Variants in DCAF6 observed in about 807,000 individuals in gnomAD.
DCAF6 encodes the protein DDB1 and CUL4 associated factor 6.
Under a neutral mutation model 125.1 loss-of-function variants are expected in DCAF6, and 54 were observed. That is an observed-to-expected ratio of 0.43 (90% CI 0.35 to 0.54). The LOEUF (loss-of-function observed/expected upper bound fraction) is 0.54. DCAF6 is among the 20% of genes least tolerant of loss of function. The pLI, the probability that DCAF6 is intolerant of heterozygous loss-of-function variation, is 0.01. For missense variants in DCAF6, 934 were observed against 1,161.7 expected, an observed-to-expected ratio of 0.80 and a Z score of 2.85; for synonymous variants, 371 against 390.4, an observed-to-expected ratio of 0.95 and a Z score of 0.58.
chr1:167,946,659 T>G (rs556114976), intron 1 of DCAF6, among the ~76,000 whole-genome samples: 1 of 152,364 alleles, frequency 6.6e-6, no homozygotes, highest in East Asian at 1.9e-4. Flanking sequence ...TCTGTTGATA[T>G]GATGTATCAC....
intron 11 of DCAF6, chr1:168,019,444 T>G (rs774707894): frequency 3.0e-6 from 1 of 338,002 alleles, no homozygotes; most frequent in Non-Finnish European, 6.2e-6. Context: ...GGGTTTTGAA[T>G]GAGCTATATG....
At chr1:168,051,487 G>C (rs773070897) in intron 17 of DCAF6, among the ~76,000 whole-genome samples, 15 of 152,152 alleles carry the variant, frequency 9.9e-5, no homozygotes, top group Non-Finnish European at 1.8e-4. Flanking sequence ...TTTTTGAGTA[G>C]ATCTTTAAAG....
At chr1:168,051,631 A>G (rs760896852) in intron 17 of DCAF6, among the ~76,000 whole-genome samples, 1 of 152,228 alleles carries the variant, frequency 6.6e-6, no homozygotes, top group Non-Finnish European at 1.5e-5. Context: ...ACATATAGCA[A>G]CAATCAGAAA....
chr1:167,891,985 T>C, the DCAF6 span, among the ~76,000 whole-genome samples: 1 of 151,736 alleles, frequency 6.6e-6, no homozygotes, highest in African/African-American at 2.4e-5. Context: ...TCTTTTTTTT[T>C]TTTTTAGAGA....
chr1:167,921,130 T>C, the DCAF6 span, among the ~76,000 whole-genome samples: 1 of 152,178 alleles, frequency 6.6e-6, no homozygotes, highest in Admixed American at 6.5e-5. Context: ...GTTTGTTACA[T>C]GGGTATATTG....
chr1:167,987,398 C>A, intron 4 of DCAF6, 97 bp from the exon 5 acceptor site: 1 of 648,664 alleles, frequency 1.5e-6, no homozygotes, highest in Non-Finnish European at 2.7e-6. Flanking sequence ...TTTTTGTAAC[C>A]TTTACCTTAA....
chr1:167,903,767 C>T, the DCAF6 span: 2 of 744,374 alleles, frequency 2.7e-6, no homozygotes, highest in African/African-American at 1.7e-5. Flanking sequence ...GTTTTATACA[C>T]ATTTCATGGG....
the DCAF6 span, among the ~76,000 whole-genome samples, chr1:167,925,309 C>T: frequency 6.6e-6 from 1 of 151,402 alleles, no homozygotes; most frequent in African/African-American, 2.4e-5. Flanking sequence ...ACTTGTACCC[C>T]TATTACCTAA....
the DCAF6 span, among the ~76,000 whole-genome samples, chr1:167,902,779 C>T: frequency 0.16 from 24,639 of 152,206 alleles, 2,299 homozygotes; most frequent in Middle Eastern, 0.23. Flanking sequence ...TTTGAATTAA[C>T]AATGCAAACA....
upstream of DCAF6, among the ~76,000 whole-genome samples, chr1:167,930,866 A>G (rs1331147115): frequency 6.6e-6 from 1 of 152,270 alleles, no homozygotes; most frequent in Non-Finnish European, 1.5e-5. Flanking sequence ...ACATCTGCAT[A>G]AACAGTTCTA....
intron 16 of DCAF6, among the ~76,000 whole-genome samples, chr1:168,049,430 TG>T (rs375510312): frequency 5.5e-4 from 32 of 57,810 alleles, no homozygotes; most frequent in Admixed American, 1.5e-3. Flanking sequence ...TTGTTGTTGT[TG>T]TTTTTTTTTT....
chr1:167,989,608 C>T (rs1262145015), intron 5 of DCAF6, among the ~76,000 whole-genome samples: 5 of 152,066 alleles, frequency 3.3e-5, no homozygotes, highest in African/African-American at 1.2e-4. Flanking sequence ...AGGGGCCGGG[C>T]GCGGTGGCTC....
chr1:167,910,684 C>T, the DCAF6 span, among the ~76,000 whole-genome samples: 1 of 152,132 alleles, frequency 6.6e-6, no homozygotes, highest in African/African-American at 2.4e-5. Flanking sequence ...TGACTGTAAA[C>T]AGTATGTTCC....
At chr1:168,038,931 T>G (rs999608894) in intron 13 of DCAF6, among the ~76,000 whole-genome samples, 4 of 152,102 alleles carry the variant, frequency 2.6e-5, no homozygotes, top group African/African-American at 9.7e-5. Context: ...TATTCTCCCC[T>G]GCATTTGTTT....
chr1:167,894,373 C>T, the DCAF6 span, among the ~76,000 whole-genome samples: 3 of 152,026 alleles, frequency 2.0e-5, no homozygotes, highest in Non-Finnish European at 4.4e-5. Flanking sequence ...GGCTTGATAC[C>T]GCTTCACTGT....
At chr1:167,879,551 A>C in the DCAF6 span, among the ~76,000 whole-genome samples, 1 of 150,926 alleles carries the variant, frequency 6.6e-6, no homozygotes, top group Non-Finnish European at 1.5e-5. Context: ...ACCCCCATAC[A>C]CTCCCCACCC....
intron 12 of DCAF6, among the ~76,000 whole-genome samples, chr1:168,026,465 C>T (rs1378838886): frequency 6.6e-6 from 1 of 152,058 alleles, no homozygotes; most frequent in Non-Finnish European, 1.5e-5. Context: ...ACGTAAGAGG[C>T]CATTGCTATA....
At chr1:167,869,433 AAG>A in the DCAF6 span, among the ~76,000 whole-genome samples, 2 of 152,218 alleles carry the variant, frequency 1.3e-5, no homozygotes, top group African/African-American at 2.4e-5. Flanking sequence ...GAAATGAGGG[AAG>A]AGAGAGACCC....
chr1:167,901,405 C>T, the DCAF6 span, among the ~76,000 whole-genome samples: 1 of 152,058 alleles, frequency 6.6e-6, no homozygotes, highest in Non-Finnish European at 1.5e-5. Context: ...TTGGGTGGTT[C>T]CTATGCATTA....
Sources: allele counts gnomAD v4.1 joint callset (sites outside exome capture counted in the v4.1 genomes callset), GRCh38; gene constraint gnomAD v4.1.1; transcripts MANE v1.5; gene names NCBI Gene and HGNC (gene_info 2026-07-23, HGNC 2026-07-21).